Variants in JAK2 observed in about 807,000 individuals in gnomAD.
The protein encoded by JAK2 is Janus kinase 2.
JAK2 carries 86 observed loss-of-function variants against 139.3 expected under a neutral mutation model. The ratio of observed to expected loss-of-function variants is 0.62; its 90% CI spans 0.52 to 0.74. The LOEUF (loss-of-function observed/expected upper bound fraction) is 0.74, where lower values mean the gene tolerates loss of function less well. JAK2 is among the 30% of genes least tolerant of loss of function. The pLI, the probability that JAK2 is intolerant of heterozygous loss-of-function variation, is 0.00. For synonymous variants in JAK2, 490 were observed against 437.7 expected, an observed-to-expected ratio of 1.12 and a Z score of -1.49; for missense variants, 1,421 against 1,360.3, an observed-to-expected ratio of 1.04 and a Z score of -0.70.
At chr9:5,000,353 A>G (rs1820859168) in intron 2 of JAK2, among the ~76,000 whole-genome samples, 1 of 152,198 alleles carries the variant, frequency 6.6e-6, no homozygotes, top group South Asian at 2.1e-4. Context: ...CCAATTTCGA[A>G]TGTGTAAGGA....
At position 5,039,564 on chromosome 9, in the gene JAK2, T is replaced by C. The variant is rs180945475; in HGVS notation, c.351-4839T>C. 3.2e-3 allele frequency among the ~76,000 whole-genome samples: 488 copies of C among 152,234 alleles called. 1 individual carries two copies. Among genetic ancestry groups the C allele is most frequent in the Middle Eastern group, 0.017 (5 of 294 alleles). ...AAAGGATGATTGTGTATTCACAGAT[T>C]ACATGATCTTGCATATTAAAAATCC... On this transcript the variant is annotated intron_variant, in intron 4 of 24. Coordinates refer to ENST00000381652, the MANE Select transcript of JAK2 (RefSeq NM_004972.4).
chr9:5,041,036 C>G (rs1300385264), intron 4 of JAK2: 3 of 676,128 alleles, frequency 4.4e-6, no homozygotes, highest in Non-Finnish European at 5.4e-6. Flanking sequence ...ACCGGTTCTA[C>G]AAGCAGCTCA....
intron 22 of JAK2, 135 bp downstream of exon 22, chr9:5,091,046 T>C (rs1049174064): frequency 4.7e-5 from 16 of 342,494 alleles, no homozygotes; most frequent in Non-Finnish European, 8.1e-5. Flanking sequence ...TACATTTAAC[T>C]TTTTTTTTTT....
In JAK2 at chr9:5,127,426, G is replaced by A. The variant is rs1449492367; in HGVS notation, c.*635G>A. 4.3e-6 allele frequency: 1 copy of A among 231,298 alleles called. No individual in the cohort carries two copies. Among genetic ancestry groups the A allele is most frequent in the Admixed American group, 5.7e-5 (1 of 17,678 alleles). The allele number at this position is 231,298 out of a possible 1,614,324, so 14.3% of individuals were successfully genotyped here. The stretch of plus-strand genomic sequence containing the variant: ...TACTGTAAATATTTTTCACATAAAG[G>A]GAACAAATGTCTAGTTTTATTTGTA... On this transcript the variant is annotated 3_prime_UTR_variant, in exon 25 of 25. Transcript: ENST00000381652.
At chr9:5,085,158 G>C in intron 19 of JAK2, 1 of 649,428 alleles carries the variant, frequency 1.5e-6, no homozygotes, top group South Asian at 1.4e-5. Flanking sequence ...GTGGAGCTCT[G>C]TCTACATCTC....
chr9:5,077,540 T>C lies in JAK2; in HGVS notation c.1952T>C (p.Leu651Pro). ...NKNCINILWK[L>P]EVAKQLAWAM... ...AATTGTATAAATATATTATGGAAAC[T>C]TGAAGTTGCTAAACAGTTGGCATGG... The change falls in exon 15 of 25, where the codon CTT (leucine) becomes CCT (proline). Residue 651 changes from leucine (L) to proline (P), a missense_variant. Transcript: ENST00000381652. 1.3e-6 allele frequency: 2 copies of C among 1,492,708 alleles called. No individual in the cohort carries two copies. The highest frequency in any genetic ancestry group is 1.5e-5 in the South Asian group (1 of 68,922). The allele number at this position is 1,492,708 out of a possible 1,614,324, so 92.5% of individuals were successfully genotyped here.
intron 8 of JAK2, among the ~76,000 whole-genome samples, chr9:5,063,528 A>G (rs1238866440): frequency 6.6e-6 from 1 of 152,076 alleles, no homozygotes; most frequent in Admixed American, 6.6e-5. Flanking sequence ...TCTAAATCTC[A>G]TGTTTGCCCT....
intron 22 of JAK2, among the ~76,000 whole-genome samples, chr9:5,093,676 T>A (rs1423964592): frequency 1.3e-5 from 2 of 152,164 alleles, no homozygotes; most frequent in Non-Finnish European, 1.5e-5. Context: ...CACAGTAGTC[T>A]AAGCGAGTTA....
chr9:5,022,293 A>G, intron 3 of JAK2, 80 bp downstream of exon 3: 1 of 856,804 alleles, frequency 1.2e-6, no homozygotes, highest in Non-Finnish European at 1.8e-6. Context: ...GTACATGCAT[A>G]ATATATATTT....
chr9:5,021,493 C>T (rs1035952541), intron 2 of JAK2, among the ~76,000 whole-genome samples: 25 of 152,314 alleles, frequency 1.6e-4, no homozygotes, highest in Middle Eastern at 3.4e-3. Context: ...TGATTTCTTG[C>T]ATTGTGCTTT....
At chr9:5,013,920 T>C (rs1821878901) in intron 2 of JAK2, among the ~76,000 whole-genome samples, 1 of 152,124 alleles carries the variant, frequency 6.6e-6, no homozygotes, top group Non-Finnish European at 1.5e-5. Context: ...TGTAAGTAGT[T>C]TGCAATAAGA....
At chr9:5,090,247 T>C (rs1220708462) in intron 20 of JAK2, among the ~76,000 whole-genome samples, 199 bp from the exon 21 acceptor site, 1 of 152,242 alleles carries the variant, frequency 6.6e-6, no homozygotes, top group Non-Finnish European at 1.5e-5. Context: ...ACGCAAATAG[T>C]TTCAAAGCTT....
rs267602253 is a variant in JAK2 at position 5,065,040 on chromosome 9, C to T, written c.1214C>T (p.Ser405Leu). Residue 405 changes from serine to leucine, a missense_variant and splice_region_variant, in exon 9 of 25, where the codon TCG becomes TTG. Coordinates refer to ENST00000381652, the MANE Select transcript of JAK2 (RefSeq NM_004972.4). Reference sequence around the variant, plus strand: ...CAAAGCAACTGTCATGGCCCAATTTCGTGAGTAATACAGACTTAAAAGTAA... The same window carrying T: ...CAAAGCAACTGTCATGGCCCAATTTTGTGAGTAATACAGACTTAAAAGTAA... ...NIQSNCHGPI[S>L]MDFAISKLKK... 15 of 1,570,404 alleles carry T rather than the reference C, an allele frequency of 9.6e-6. No individual in the cohort carries two copies. Among genetic ancestry groups the T allele is most frequent in the East Asian group, 6.9e-5 (3 of 43,404 alleles).
chr9:4,993,106 T>A (rs890103432), intron 2 of JAK2, among the ~76,000 whole-genome samples: 4 of 152,186 alleles, frequency 2.6e-5, no homozygotes, highest in Non-Finnish European at 5.9e-5. Flanking sequence ...ACAACTCCTT[T>A]AAAAACTTTG....
chr9:4,996,523 G>A (rs1820570627), intron 2 of JAK2, among the ~76,000 whole-genome samples: 1 of 151,700 alleles, frequency 6.6e-6, no homozygotes, highest in African/African-American at 2.4e-5. Flanking sequence ...TTATTTATAT[G>A]TATAATTTAT....
chr9:4,994,519 G>A (rs1418349854), intron 2 of JAK2, among the ~76,000 whole-genome samples: 1 of 152,046 alleles, frequency 6.6e-6, no homozygotes, highest in African/African-American at 2.4e-5. Context: ...TTTAAACCAG[G>A]GATTGGCAAG....
At position 5,107,406 on chromosome 9, in the gene JAK2, A is replaced by T. The variant is rs371027081; in HGVS notation, c.3060-15598A>T. Among the ~76,000 whole-genome samples the T allele has an allele frequency of 5.9e-5, 9 of 152,010 alleles. No homozygotes were observed. The East Asian group carries it at 1.3e-3, about 23-fold the overall frequency. On this transcript the variant is annotated intron_variant, in intron 22 of 24. Coordinates refer to ENST00000381652, the MANE Select transcript of JAK2 (RefSeq NM_004972.4). ...TAAAATTCTTCCTAGTAGCCAACACATTTCTCCTCTTAGACTTAGAAATCG... is the reference window on the plus strand; with the variant it reads ...TAAAATTCTTCCTAGTAGCCAACACTTTTCTCCTCTTAGACTTAGAAATCG...
intron 19 of JAK2, among the ~76,000 whole-genome samples, chr9:5,084,089 C>G (rs918025584): frequency 6.6e-6 from 1 of 151,972 alleles, no homozygotes; most frequent in African/African-American, 2.4e-5. Context: ...TTCCATAGTT[C>G]CGTGAGCTTA....
intron 4 of JAK2, among the ~76,000 whole-genome samples, chr9:5,031,545 A>C (rs1823147795): frequency 6.6e-6 from 1 of 152,192 alleles, no homozygotes. Context: ...CTTACTTTAT[A>C]ATGTATATCA....
Sources: allele counts gnomAD v4.1 joint callset (sites outside exome capture counted in the v4.1 genomes callset), GRCh38; gene constraint gnomAD v4.1.1; transcripts MANE v1.5; gene names NCBI Gene and HGNC (gene_info 2026-07-23, HGNC 2026-07-21).